The following ARHGEF3 variants were observed in gnomAD, a reference collection of about 807,000 sequenced individuals.
ARHGEF3 encodes the protein Rho guanine nucleotide exchange factor 3, also known as 59.8 kDA protein.
A neutral mutation model predicts 63.2 loss-of-function variants in ARHGEF3; 28 were observed. That is an observed-to-expected ratio of 0.44 (90% CI 0.33 to 0.61). The LOEUF is 0.61. Ranked by LOEUF, ARHGEF3 falls within the 20% of genes least tolerant of loss-of-function variation. The pLI, the probability that ARHGEF3 is intolerant of heterozygous loss-of-function variation, is 0.03. For synonymous variants in ARHGEF3, 266 were observed against 254.2 expected (o/e 1.05, Z -0.44); for missense variants, 533 against 659.3 (o/e 0.81, Z 2.10).
intron 2 of ARHGEF3, among the ~76,000 whole-genome samples, chr3:57,025,651 C>G (rs1209924016): frequency 6.6e-6 from 1 of 152,206 alleles, no homozygotes; most frequent in Admixed American, 6.5e-5. Context: ...CTAGGCCTCC[C>G]TCCAGCCATT....
At chr3:56,873,849 ACAAACAGGTGTTCTGGGG>A (rs1440622154) in intron 4 of ARHGEF3, among the ~76,000 whole-genome samples, 1 of 152,218 alleles carries the variant, frequency 6.6e-6, no homozygotes, top group African/African-American at 2.4e-5. Flanking sequence ...ATAAATCCCA[ACAAACAGGTGTTCTGGGG>A]CACAAGCACC....
At chr3:56,830,567 A>G (rs1253527600) in intron 4 of ARHGEF3, among the ~76,000 whole-genome samples, 1 of 152,130 alleles carries the variant, frequency 6.6e-6, no homozygotes, top group Non-Finnish European at 1.5e-5. Context: ...GTTAACCTAG[A>G]TCTTAGCACT....
At chr3:56,982,854 C>A (rs774878891) in intron 2 of ARHGEF3, among the ~76,000 whole-genome samples, 7 of 152,024 alleles carry the variant, frequency 4.6e-5, no homozygotes, top group Non-Finnish European at 1.0e-4. Context: ...TCCCACCGAG[C>A]AAACACTCCA....
At chr3:56,781,366 C>A (rs1205643790) in intron 1 of ARHGEF3, among the ~76,000 whole-genome samples, 3 of 152,058 alleles carry the variant, frequency 2.0e-5, no homozygotes, top group Non-Finnish European at 4.4e-5. Context: ...CCTGCCTCAG[C>A]CTCCCGAGTA....
chr3:56,808,951 T>A (rs1303077073), intron 4 of ARHGEF3, among the ~76,000 whole-genome samples: 2 of 152,096 alleles, frequency 1.3e-5, no homozygotes, highest in African/African-American at 2.4e-5. Context: ...AGAAACGCTG[T>A]GGTAAAGAGA....
intron 4 of ARHGEF3, among the ~76,000 whole-genome samples, chr3:56,830,846 T>C (rs973168648): frequency 2.0e-5 from 3 of 152,120 alleles, no homozygotes; most frequent in African/African-American, 7.2e-5. Context: ...AGGCATCAGC[T>C]CAAATAACCC....
chr3:56,950,454 TC>T (rs1295152027), intron 3 of ARHGEF3, among the ~76,000 whole-genome samples: 10 of 151,690 alleles, frequency 6.6e-5, no homozygotes, highest in Admixed American at 2.6e-4. Context: ...AACAACCCCA[TC>T]AAAAAGTGGG....
chr3:56,939,309 A>G (rs138416815), intron 3 of ARHGEF3, among the ~76,000 whole-genome samples: 62 of 152,366 alleles, frequency 4.1e-4, no homozygotes, highest in Non-Finnish European at 7.2e-4. Flanking sequence ...ATGTTCCCTC[A>G]GTTCTCGACA....
chr3:56,898,287 G>A (rs2041378259), intron 3 of ARHGEF3, among the ~76,000 whole-genome samples: 1 of 152,172 alleles, frequency 6.6e-6, no homozygotes, highest in Admixed American at 6.5e-5. Context: ...TCAGCTCACT[G>A]AAACCTCCAC....
chr3:56,927,972 C>G (rs1560057764), intron 3 of ARHGEF3, among the ~76,000 whole-genome samples: 1 of 152,138 alleles, frequency 6.6e-6, no homozygotes. Context: ...AGACGTTAAG[C>G]AATTGCCAGA....
intron 3 of ARHGEF3, among the ~76,000 whole-genome samples, chr3:56,911,029 C>T (rs1256114740): frequency 6.6e-6 from 1 of 152,104 alleles, no homozygotes; most frequent in Non-Finnish European, 1.5e-5. Context: ...TTGATGGCTA[C>T]GTCTCCACTG....
At chr3:57,054,153 C>G (rs1197863285) in intron 1 of ARHGEF3, among the ~76,000 whole-genome samples, 1 of 152,178 alleles carries the variant, frequency 6.6e-6, no homozygotes, top group Non-Finnish European at 1.5e-5. Context: ...TGCACCATAT[C>G]TTCACCAACA....
At chr3:56,999,427 T>C (rs1579055328) in intron 2 of ARHGEF3, among the ~76,000 whole-genome samples, 1 of 152,202 alleles carries the variant, frequency 6.6e-6, no homozygotes, top group East Asian at 1.9e-4. Flanking sequence ...ATCAAATCAA[T>C]TACTATGAAA....
At position 57,042,680 on chromosome 3, in the gene ARHGEF3, ATATATATATATATATATATATT is replaced by A. The variant is rs1451448025; in HGVS notation, c.-27-7526_-27-7505del. Among the ~76,000 whole-genome samples the A allele has an allele frequency of 1.4e-4, 4 of 27,718 alleles. 1 individual carries two copies. The highest frequency in any genetic ancestry group is 1.1e-3 in the East Asian group (1 of 894). The allele number at this position is 27,718 out of a possible 152,430, so 18.2% of individuals were successfully genotyped here. A position where few individuals can be genotyped will look rare whatever the true frequency, so the allele number is the denominator to read the frequency against. On this transcript the variant is annotated intron_variant, in intron 1 of 12. Coordinates refer to the ARHGEF3 transcript ENST00000338458. ...TATATATATATATATATATATATAT[ATATATATATATATATATATATT>A]TTTTTTTTTTTTTAGACGGAGTCTC...
intron 1 of ARHGEF3, among the ~76,000 whole-genome samples, chr3:57,056,280 G>C (rs534813735): frequency 6.6e-6 from 1 of 151,558 alleles, no homozygotes; most frequent in Admixed American, 6.6e-5. Flanking sequence ...CCAGCTACTC[G>C]GGAGGCTGAG....
At chr3:56,732,562 A>C (rs2033249716) in intron 8 of ARHGEF3, 138 bp from the exon 9 acceptor site, 1 of 998,176 alleles carries the variant, frequency 1.0e-6, no homozygotes, top group Admixed American at 2.4e-5. Context: ...ATCTACCTCC[A>C]GGAGAACCAA....
chr3:56,815,677 C>T (rs1948722), intron 4 of ARHGEF3, among the ~76,000 whole-genome samples: 9,419 of 152,196 alleles, frequency 0.062, 404 homozygotes, highest in East Asian at 0.21. Flanking sequence ...TAAAATATAC[C>T]ACTGTCACTT....
intron 4 of ARHGEF3, among the ~76,000 whole-genome samples, chr3:56,866,193 C>T (rs907715219): frequency 2.0e-5 from 3 of 152,078 alleles, no homozygotes; most frequent in Non-Finnish European, 4.4e-5. Context: ...AAACAAACCC[C>T]ACCTTTCTTT....
At chr3:56,906,639 C>T (rs2041692137) in intron 3 of ARHGEF3, among the ~76,000 whole-genome samples, 1 of 152,072 alleles carries the variant, frequency 6.6e-6, no homozygotes, top group African/African-American at 2.4e-5. Context: ...AGTTCGAGAC[C>T]AGCCTGGCAA....
Sources: gnomAD v4.1 joint callset for allele counts (sites outside exome capture counted in the v4.1 genomes callset) on GRCh38, gnomAD v4.1.1 for gene constraint, MANE v1.5 for transcripts, NCBI Gene and HGNC (gene_info 2026-07-23, HGNC 2026-07-21) for gene names.